KDM2B: variants seen among roughly 807,000 people sequenced by gnomAD.
KDM2B encodes lysine-specific demethylase 2B.
Under a neutral mutation model 150.0 loss-of-function variants are expected in KDM2B, and 26 were observed. The observed-to-expected ratio is 0.17, with a 90% CI of 0.13 to 0.24. KDM2B has a LOEUF of 0.24. Ranked by LOEUF, KDM2B falls within the 10% of genes least tolerant of loss-of-function variation. KDM2B has a pLI of 1.00. For missense variants in KDM2B, 1,265 were observed against 1,816.9 expected (o/e 0.70, Z 5.52); for synonymous variants, 734 against 729.5 (o/e 1.01, Z -0.10).
In KDM2B at chr12:121,441,151, G is replaced by A. The variant is rs1555288155; in HGVS notation, c.3367C>T (p.Arg1123Trp). The change falls in exon 20 of 23, where the codon CGG becomes TGG. Residue 1123 changes from arginine (R) to tryptophan (W), a missense_variant. Physicochemically the swap from Arg to Trp is moderately radical, Grantham distance 101 (BLOSUM62 -3). This residue lies in a region of KDM2B where 251 missense variants were observed against 397.8 expected (regional missense o/e 0.63). Transcript: ENST00000377071. ...AGGTCGAGGGAGACGGGCTGTCGCC[G>A]GATGATGCCACTCAGCATCAGGGGT... ...ITPLMLSGII[R>W]RQPVSLDLSW... 2.5e-6 allele frequency: 4 copies of A among 1,614,064 alleles called. No homozygotes were observed. Among genetic ancestry groups the A allele is most frequent in the East Asian group, 2.2e-5 (1 of 44,896 alleles).
intron 6 of KDM2B, among the ~76,000 whole-genome samples, chr12:121,540,879 TG>T (rs1278572810): frequency 6.6e-6 from 1 of 151,102 alleles, no homozygotes; most frequent in Non-Finnish European, 1.5e-5. Context: ...CCCCATAGCA[TG>T]GGAAGAAGGC....
intron 6 of KDM2B, among the ~76,000 whole-genome samples, chr12:121,538,241 G>A (rs960154650): frequency 6.6e-6 from 1 of 152,076 alleles, no homozygotes; most frequent in Non-Finnish European, 1.5e-5. Context: ...GGCCGGTGGG[G>A]GTGCAGGGCT....
chr12:121,502,911 CAA>C (rs1884713539), intron 11 of KDM2B, among the ~76,000 whole-genome samples: 1 of 150,344 alleles, frequency 6.7e-6, no homozygotes, highest in Non-Finnish European at 1.5e-5. Context: ...GGTGACAGAG[CAA>C]AAGACTCCAT....
At chr12:121,531,104 C>T (rs1887629737) in intron 8 of KDM2B, among the ~76,000 whole-genome samples, 2 of 152,158 alleles carry the variant, frequency 1.3e-5, no homozygotes, top group South Asian at 4.2e-4. Context: ...GATGCCACCT[C>T]CTTCCCGAGT....
intron 8 of KDM2B, among the ~76,000 whole-genome samples, chr12:121,523,540 A>G (rs565944644): frequency 1.8e-4 from 27 of 152,292 alleles, no homozygotes; most frequent in African/African-American, 4.8e-4. Flanking sequence ...CTGTCCCCCA[A>G]TGAAACACGC....
the KDM2B span, chr12:121,420,651 G>A: frequency 6.2e-7 from 1 of 1,614,170 alleles, no homozygotes; most frequent in Non-Finnish European, 8.5e-7. Flanking sequence ...TGGAAGGAAT[G>A]AGCGTGCGCC....
At chr12:121,427,392 G>A (rs1213940403), downstream of KDM2B, among the ~76,000 whole-genome samples, 8 of 152,034 alleles carry the variant, frequency 5.3e-5, no homozygotes, top group African/African-American at 1.9e-4. Context: ...AAATACAAAA[G>A]TTAACTGGGC....
chr12:121,508,902 C>A (rs1474537258), intron 11 of KDM2B, among the ~76,000 whole-genome samples: 1 of 152,158 alleles, frequency 6.6e-6, no homozygotes, highest in East Asian at 1.9e-4. Flanking sequence ...CCCAGGACAG[C>A]GAGGCTTCCT....
chr12:121,513,222 G>A lies in KDM2B; in HGVS notation c.1174+54C>T. ...TGTCTCCAGGCCCCACTGAGAAAAT[G>A]ATTTCTGCCCCAGCTGTGCAGCCGA... On this transcript the variant is annotated intron_variant, in intron 10 of 22. Coordinates refer to ENST00000377071, the MANE Select transcript of KDM2B (RefSeq NM_032590.5). This position sits in a 1 kb window ranked among gnomAD's most constrained non-coding sequence, Gnocchi z 5.0. 6.3e-7 allele frequency: 1 copy of A among 1,593,750 alleles called. No homozygotes were observed. The highest frequency in any genetic ancestry group is 1.7e-5 in the Admixed American group (1 of 59,388).
chr12:121,507,669 C>A (rs575075343), intron 11 of KDM2B, among the ~76,000 whole-genome samples: 1 of 152,212 alleles, frequency 6.6e-6, no homozygotes, highest in African/African-American at 2.4e-5. Context: ...CCAGAACCAG[C>A]GACACCACAC....
chr12:121,508,492 C>T (rs376873451), intron 11 of KDM2B, among the ~76,000 whole-genome samples: 3 of 152,290 alleles, frequency 2.0e-5, no homozygotes, highest in Admixed American at 6.5e-5. Flanking sequence ...TTACAGCCAC[C>T]GAAGAAGAAA....
chr12:121,576,093 C>T (rs368416908), intron 2 of KDM2B, among the ~76,000 whole-genome samples: 5 of 152,120 alleles, frequency 3.3e-5, no homozygotes, highest in Non-Finnish European at 5.9e-5. Flanking sequence ...CAGTCATTCT[C>T]GGCATGCCCC....
chr12:121,426,620 A>AT (rs34070273), downstream of KDM2B, among the ~76,000 whole-genome samples: 1,846 of 113,500 alleles, frequency 0.016, 25 homozygotes, highest in African/African-American at 0.034. Flanking sequence ...ATTTTAAACA[A>AT]TTTTTTTTTT....
At chr12:121,446,085 A>G (rs1186719655) in intron 13 of KDM2B, among the ~76,000 whole-genome samples, 1 of 152,204 alleles carries the variant, frequency 6.6e-6, no homozygotes, top group Non-Finnish European at 1.5e-5. Context: ...GGGGTGACTC[A>G]TGCCATACGC....
Position 121,562,701 on chromosome 12 carries a change from G to T in KDM2B, c.397+11846C>A, listed in dbSNP as rs533926753. On this transcript the variant is annotated intron_variant, in intron 4 of 22. Transcript: ENST00000377071. ...AAGAGAAAGAGGAGGAGGAAGAGAG[G>T]GGGGAGGAGGAGGGGAAAGAGATAA... 6.6e-5 allele frequency among the ~76,000 whole-genome samples: 10 copies of T among 151,416 alleles called. No homozygotes were observed. The East Asian group carries it at 1.4e-3, about 21-fold the overall frequency.
At chr12:121,465,310 C>A (rs556270755) in intron 12 of KDM2B, among the ~76,000 whole-genome samples, 1 of 152,078 alleles carries the variant, frequency 6.6e-6, no homozygotes, top group South Asian at 2.1e-4. Flanking sequence ...TCATTGCAAC[C>A]GCAACCTCCG....
In KDM2B at chr12:121,575,398, C is replaced by T. The variant is rs1555316719; in HGVS notation, c.350+383G>A. ...GCATAAGAAACATGTATCTAGGTGC[C>T]CTGGGTCTGGGCTTAGAGGCTGGCT... is the stretch of plus-strand genomic sequence containing the variant. On this transcript the variant is annotated intron_variant, in intron 3 of 22. Transcript: ENST00000377071. This position sits in a 1 kb window ranked among gnomAD's most constrained non-coding sequence, Gnocchi z 4.4. Among the ~76,000 whole-genome samples, 2 of 152,194 alleles carry T rather than the reference C, an allele frequency of 1.3e-5. No homozygotes were observed. The highest frequency in any genetic ancestry group is 4.8e-5 in the African/African-American group (2 of 41,428).
intron 4 of KDM2B, among the ~76,000 whole-genome samples, chr12:121,571,001 A>T (rs568496587): frequency 6.6e-6 from 1 of 152,352 alleles, no homozygotes; most frequent in South Asian, 2.1e-4. Context: ...AATATTATTC[A>T]GCCAAGAAAG....
the KDM2B span, among the ~76,000 whole-genome samples, chr12:121,422,349 C>T: frequency 2.0e-5 from 3 of 152,228 alleles, no homozygotes; most frequent in Admixed American, 6.5e-5. Flanking sequence ...TGACAAGATA[C>T]TGGCTCCTCT....
Sources: gnomAD v4.1 joint callset for allele counts (sites outside exome capture counted in the v4.1 genomes callset) on GRCh38, gnomAD v4.1.1 for gene constraint, gnomAD v4.1.1 regional missense constraint, Gnocchi (gnomAD v3.1) non-coding constraint, MANE v1.5 for transcripts, NCBI Gene and HGNC (gene_info 2026-07-23, HGNC 2026-07-21) for gene names.